The following TANC2 variants were observed in gnomAD, a reference collection of about 807,000 sequenced individuals.
The protein encoded by TANC2 is protein TANC2.
TANC2 carries 26 observed loss-of-function variants against 210.5 expected under a neutral mutation model. That is an observed-to-expected ratio of 0.12 (90% confidence interval 0.09 to 0.17). The LOEUF is 0.17. TANC2 is among the 10% of genes least tolerant of loss of function. TANC2 has a pLI of 1.00. For missense variants in TANC2, 2,129 were observed against 2,608.9 expected (o/e 0.82, Z 4.01); for synonymous variants, 931 against 967.1 (o/e 0.96, Z 0.69).
chr17:63,071,092 C>T (rs1282834430), intron 2 of TANC2, among the ~76,000 whole-genome samples: 1 of 152,014 alleles, frequency 6.6e-6, no homozygotes, highest in Non-Finnish European at 1.5e-5. Context: ...ACACTGTAAG[C>T]ATTTAGAAAG....
intron 4 of TANC2, among the ~76,000 whole-genome samples, chr17:63,111,616 T>G (rs1456133313): frequency 6.6e-6 from 1 of 152,224 alleles, no homozygotes; most frequent in Non-Finnish European, 1.5e-5. Flanking sequence ...TCCCCCTCTC[T>G]TTGTATATTT....
rs554930295 is a variant in TANC2, at chr17:63,125,143, C to T, written c.322+25786C>T. The T allele has an allele frequency of 1.1e-3, 171 of 152,258 alleles. 2 individuals carry two copies. Among genetic ancestry groups the T allele is most frequent in the African/African-American group, 3.8e-3 (158 of 41,548 alleles). The allele number at this position is 152,258 out of a possible 1,614,324, so 9.4% of individuals were successfully genotyped here. On this transcript the variant is annotated intron_variant, in intron 4 of 27. Coordinates refer to ENST00000689528, the Ensembl canonical transcript of TANC2. Reference sequence around the variant, plus strand: ...GCAATATGATGTAATAGTTCAGATCCTGCGCTTACTAGCAGTGTGACGTTG... The same window carrying T: ...GCAATATGATGTAATAGTTCAGATCTTGCGCTTACTAGCAGTGTGACGTTG...
At chr17:63,301,054 G>A (rs1253956942) in intron 9 of TANC2, among the ~76,000 whole-genome samples, 2 of 152,114 alleles carry the variant, frequency 1.3e-5, no homozygotes, top group African/African-American at 2.4e-5. Context: ...TTTTGTCATT[G>A]GTTCTGTTTA....
chr17:63,237,408 T>C (rs2042650769), intron 7 of TANC2, among the ~76,000 whole-genome samples: 1 of 152,166 alleles, frequency 6.6e-6, no homozygotes, highest in Non-Finnish European at 1.5e-5. Flanking sequence ...TTTTCTCCCA[T>C]TCTGCAGGTT....
At chr17:63,022,506 ACATTT>A (rs2034393020) in intron 2 of TANC2, among the ~76,000 whole-genome samples, 1 of 152,170 alleles carries the variant, frequency 6.6e-6, no homozygotes, top group Non-Finnish European at 1.5e-5. Context: ...CAGAGCATAA[ACATTT>A]CAAAAATTCC....
chr17:63,369,462 A>G (rs1004473766), intron 14 of TANC2, among the ~76,000 whole-genome samples: 2 of 151,836 alleles, frequency 1.3e-5, no homozygotes, highest in Non-Finnish European at 2.9e-5. Flanking sequence ...AAAGTGACTC[A>G]TTACTGTCAC....
At chr17:63,190,668 G>A (rs2041153755) in intron 5 of TANC2, among the ~76,000 whole-genome samples, 1 of 152,086 alleles carries the variant, frequency 6.6e-6, no homozygotes, top group South Asian at 2.1e-4. Flanking sequence ...GATTTGGGGA[G>A]TATTGATATC....
intron 4 of TANC2, among the ~76,000 whole-genome samples, chr17:63,146,186 CCTT>C (rs2039457298): frequency 6.6e-6 from 1 of 151,974 alleles, no homozygotes; most frequent in African/African-American, 2.4e-5. Context: ...TGAACTGTCT[CCTT>C]AGGTTTTTTT....
chr17:63,143,188 T>G (rs1400057988), intron 4 of TANC2, among the ~76,000 whole-genome samples: 1 of 152,238 alleles, frequency 6.6e-6, no homozygotes, highest in Non-Finnish European at 1.5e-5. Flanking sequence ...TATTTGTATG[T>G]GAAAATTTCA....
chr17:63,009,757 G>A, intron 2 of TANC2, 131 bp downstream of exon 2: 1 of 741,926 alleles, frequency 1.3e-6, no homozygotes, highest in Non-Finnish European at 2.2e-6. Context: ...CATTTCTTTG[G>A]GCTTTCATAC....
intron 5 of TANC2, among the ~76,000 whole-genome samples, chr17:63,192,195 A>T (rs779053632): frequency 6.6e-5 from 10 of 152,236 alleles, no homozygotes; most frequent in Non-Finnish European, 1.2e-4. Flanking sequence ...TGTCATCCTC[A>T]AATGATATTT....
chr17:63,398,755 C>T, intron 18 of TANC2, 66 bp from the exon 19 acceptor site: 2 of 1,117,254 alleles, frequency 1.8e-6, no homozygotes, highest in South Asian at 2.9e-5. Context: ...TTCCAAACCT[C>T]ACAGGCTAGT....
At position 63,420,676 on chromosome 17, in the gene TANC2, A is replaced by G. The variant is rs780306862; in HGVS notation, c.4946A>G (p.Gln1649Arg). 6.2e-7 allele frequency: 1 copy of G among 1,613,810 alleles called. No individual in the cohort carries two copies. The highest frequency in any genetic ancestry group is 1.1e-5 in the South Asian group (1 of 91,052). ...CAGTCTGGTTCACCCGTGCGCTATCAGCAGGAAACAAGCGTCAGTCAGCTT... is the reference window on the plus strand; with the variant it reads ...CAGTCTGGTTCACCCGTGCGCTATCGGCAGGAAACAAGCGTCAGTCAGCTT... Residue 1649 changes from glutamine to arginine, a missense_variant, in exon 28 of 28, where the codon CAG (glutamine) becomes CGG (arginine). Coordinates refer to ENST00000689528, the Ensembl canonical transcript of TANC2. This position sits in a 1 kb window ranked among gnomAD's most constrained non-coding sequence, Gnocchi z 4.2.
chr17:63,189,310 A>T (rs959425233), intron 5 of TANC2, among the ~76,000 whole-genome samples: 2 of 152,040 alleles, frequency 1.3e-5, no homozygotes, highest in South Asian at 4.2e-4. Context: ...TCACATGGTA[A>T]CTCTATGTGT....
chr17:63,002,116 G>A (rs550702545), intron 1 of TANC2, among the ~76,000 whole-genome samples: 24 of 152,246 alleles, frequency 1.6e-4, no homozygotes, highest in African/African-American at 5.5e-4. Flanking sequence ...TATGGGTGAC[G>A]GTTTTGGAGC....
exon 28 of TANC2, chr17:63,424,630 C>T (rs1201770878): frequency 1.3e-5 from 2 of 152,214 alleles, no homozygotes; most frequent in African/African-American, 4.8e-5. Context: ...ATAGGTTTCT[C>T]ACCAAGTTGT....
chr17:63,388,649 AGTTGGT>A lies in TANC2; in HGVS notation c.2709_2714del (p.Gly904_Val905del), dbSNP rs2047862481. ...TTCTTATTCAGGGTTTGAGTAAAAA[AGTTGGT>A]GTATCATCCTCCATCCTCCAAGGTC... On this transcript the variant is annotated inframe_deletion, in exon 16 of 28. Transcript: ENST00000689528. 2 of 1,606,012 alleles carry A rather than the reference AGTTGGT, an allele frequency of 1.2e-6. No homozygotes were observed. The highest frequency in any genetic ancestry group is 1.7e-6 in the Non-Finnish European group (2 of 1,176,070).
At chr17:63,246,558 G>A (rs1337435881) in intron 8 of TANC2, among the ~76,000 whole-genome samples, 1 of 152,028 alleles carries the variant, frequency 6.6e-6, no homozygotes, top group Non-Finnish European at 1.5e-5. Context: ...CACATAAATG[G>A]AGTCATATGG....
intron 2 of TANC2, among the ~76,000 whole-genome samples, chr17:63,015,861 C>T (rs1344819574): frequency 6.6e-6 from 1 of 151,602 alleles, no homozygotes; most frequent in Admixed American, 6.6e-5. Flanking sequence ...TTTTTCCTAA[C>T]TTTATCACCT....
Sources: allele counts gnomAD v4.1 joint callset (sites outside exome capture counted in the v4.1 genomes callset), GRCh38; gene constraint gnomAD v4.1.1; non-coding constraint Gnocchi (gnomAD v3.1); transcripts MANE v1.5; gene names NCBI Gene and HGNC (gene_info 2026-07-23, HGNC 2026-07-21).